The following NAA38 variants were observed in gnomAD, a reference collection of about 807,000 sequenced individuals.
NAA38 encodes the protein LSM domain containing 1.
A neutral mutation model predicts 12.6 loss-of-function variants in NAA38; 15 were observed. The ratio of observed to expected loss-of-function variants is 1.19; its 90% CI spans 0.79 to 1.83. The LOEUF (loss-of-function observed/expected upper bound fraction) is 1.83. Ranked by LOEUF, NAA38 falls within the 40% of genes most tolerant of loss-of-function variation. The pLI is 0.00. For synonymous variants in NAA38, 88 were observed against 69.9 expected (o/e 1.26, Z -1.29); for missense variants, 183 against 171.7 (o/e 1.07, Z -0.37).
At chr17:7,873,326 C>CT (rs1967119198) in intron 2 of NAA38, among the ~76,000 whole-genome samples, 1 of 152,042 alleles carries the variant, frequency 6.6e-6, no homozygotes, top group South Asian at 2.1e-4. Context: ...CAAGCAAATT[C>CT]TTTTTTTCAA....
At chr17:7,870,965 G>C (rs2151390530) in intron 2 of NAA38, among the ~76,000 whole-genome samples, 1 of 151,870 alleles carries the variant, frequency 6.6e-6, no homozygotes, top group East Asian at 1.9e-4. Context: ...GGGCTCAAGT[G>C]ATCCACCCAC....
chr17:7,880,022 GAGA>G (rs1268285964), intron 2 of NAA38, among the ~76,000 whole-genome samples: 8 of 152,034 alleles, frequency 5.3e-5, no homozygotes, highest in Admixed American at 1.3e-4. Flanking sequence ...GAGAGAAAGA[GAGA>G]AGAAGGGAAG....
At chr17:7,872,909 G>C (rs1967110976) in intron 2 of NAA38, among the ~76,000 whole-genome samples, 1 of 152,152 alleles carries the variant, frequency 6.6e-6, no homozygotes, top group African/African-American at 2.4e-5. Context: ...TACGACAGTG[G>C]AGAAGGGTGA....
intron 2 of NAA38, among the ~76,000 whole-genome samples, chr17:7,868,205 A>G (rs1005455373): frequency 1.3e-5 from 2 of 152,190 alleles, no homozygotes; most frequent in Non-Finnish European, 2.9e-5. Context: ...ACCACAAAGG[A>G]AGAGCTAGAG....
At chr17:7,876,356 C>G (rs1454589476) in intron 2 of NAA38, among the ~76,000 whole-genome samples, 1 of 152,038 alleles carries the variant, frequency 6.6e-6, no homozygotes, top group African/African-American at 2.4e-5. Context: ...CTCCATCCTT[C>G]AAAGTTCCCC....
At chr17:7,884,861 G>T in intron 1 of NAA38, 1 of 1,228,814 alleles carries the variant, frequency 8.1e-7, no homozygotes, top group Non-Finnish European at 1.1e-6. Context: ...GGTGGTGTCG[G>T]AGGAGGAAGA....
chr17:7,866,826 C>G (rs1481631936), intron 2 of NAA38, among the ~76,000 whole-genome samples: 1 of 152,170 alleles, frequency 6.6e-6, no homozygotes, highest in East Asian at 1.9e-4. Context: ...ACCATGGGGG[C>G]AGGGGCCACA....
chr17:7,857,957 C>T, upstream of NAA38: 6 of 1,458,866 alleles, frequency 4.1e-6, no homozygotes, highest in South Asian at 8.3e-5. Flanking sequence ...GCAGTCCAAA[C>T]CCCGCCCCTG....
chr17:7,857,458 G>T lies in NAA38; in HGVS notation c.6C>A (p.Ala2=), dbSNP rs537261010. 1 of 1,535,600 alleles carries T rather than the reference G, an allele frequency of 6.5e-7. No homozygotes were observed. The highest frequency in any genetic ancestry group is 8.8e-7 in the Non-Finnish European group (1 of 1,141,446). Residue 2 remains alanine, a synonymous_variant, in exon 1 of 3, where the codon GCC becomes GCA. Transcript: ENST00000575771. The part of the protein sequence containing the change: M[A]GAGPTMLLRE... ...GTAGCAGCATGGTCGGTCCAGCTCC[G>T]GCCATTTGCCCGGAGGCCTCCTCTG...
At chr17:7,858,059 G>A (rs1325875209), upstream of NAA38, 35 of 1,574,804 alleles carry the variant, frequency 2.2e-5, no homozygotes, top group Non-Finnish European at 2.8e-5. Context: ...ACGCGACGGA[G>A]GTCGTAGTAG....
upstream of NAA38, chr17:7,858,276 T>C (rs766667563): frequency 2.5e-6 from 4 of 1,613,874 alleles, no homozygotes; most frequent in African/African-American, 1.3e-5. Flanking sequence ...CCTAACGTCA[T>C]TGGCACAGGA....
chr17:7,858,555 C>T (rs748033882), upstream of NAA38: 4 of 1,611,984 alleles, frequency 2.5e-6, no homozygotes, highest in East Asian at 2.2e-5. Context: ...CGGAGGCTAG[C>T]CAGAGCCTAA....
chr17:7,858,711 G>T, upstream of NAA38: 2 of 1,610,616 alleles, frequency 1.2e-6, no homozygotes, highest in Non-Finnish European at 1.7e-6. Flanking sequence ...CTGGGCCAAC[G>T]ATTTTGGGAA....
intron 3 of NAA38, chr17:7,864,756 G>C (rs1374592543): frequency 6.6e-6 from 1 of 152,164 alleles, no homozygotes; most frequent in Non-Finnish European, 1.5e-5. Flanking sequence ...AAATTAGCCA[G>C]GTGTGGTGGC....
chr17:7,878,852 C>A (rs1967221736), intron 2 of NAA38, among the ~76,000 whole-genome samples: 1 of 151,972 alleles, frequency 6.6e-6, no homozygotes, highest in Admixed American at 6.6e-5. Flanking sequence ...CCCTTCCCCA[C>A]TAAAATCTAC....
upstream of NAA38, chr17:7,858,159 G>A (rs1437519798): frequency 1.9e-6 from 3 of 1,613,564 alleles, no homozygotes; most frequent in Non-Finnish European, 8.5e-7. Flanking sequence ...CCTGGTGGCT[G>A]GGCCAGACTT....
At chr17:7,867,268 T>G (rs956840654) in intron 2 of NAA38, among the ~76,000 whole-genome samples, 1 of 152,150 alleles carries the variant, frequency 6.6e-6, no homozygotes, top group Non-Finnish European at 1.5e-5. Context: ...AGTTTTATTT[T>G]TTTTTAATTG....
rs767822325 is a variant in NAA38 at position 7,856,998 on chromosome 17, A to C, written c.265+17T>G. ...CCGCCACATTACCAGGCGGGTGTGC[A>C]TTCCCCGGGCACTGACCCGACGGCT... On this transcript the variant is annotated intron_variant, in intron 2 of 2. Transcript: ENST00000575771. The C allele has an allele frequency of 3.4e-5, 55 of 1,596,946 alleles. No homozygotes were observed. Among genetic ancestry groups the C allele is most frequent in the Middle Eastern group, 3.3e-4 (2 of 6,008 alleles).
At chr17:7,867,287 T>C (rs1195268158) in intron 2 of NAA38, among the ~76,000 whole-genome samples, 1 of 151,660 alleles carries the variant, frequency 6.6e-6, no homozygotes, top group Non-Finnish European at 1.5e-5. Flanking sequence ...TGAGACATAA[T>C]TCACATACCA....
Sources: gnomAD v4.1 joint callset for allele counts (sites outside exome capture counted in the v4.1 genomes callset) on GRCh38, gnomAD v4.1.1 for gene constraint, MANE v1.5 for transcripts, NCBI Gene and HGNC (gene_info 2026-07-23, HGNC 2026-07-21) for gene names.